The following NALF1 variants were observed in gnomAD, a reference collection of about 807,000 sequenced individuals.
NALF1 encodes the protein family with sequence similarity 155 member A.
In NALF1, 3 loss-of-function variants were observed where a neutral mutation model predicts 48.4. That is an observed-to-expected ratio of 0.06 (90% CI 0.03 to 0.16). The LOEUF (loss-of-function observed/expected upper bound fraction) is 0.16, where lower values mean the gene tolerates loss of function less well. Among genes scored for constraint, NALF1 ranks in the 10% least tolerant of loss-of-function variants. NALF1 has a pLI of 1.00. For synonymous variants in NALF1, 262 were observed against 245.7 expected (o/e 1.07, Z -0.62); for missense variants, 526 against 571.5 (o/e 0.92, Z 0.81).
chr13:107,252,663 G>A (rs1047531008), intron 1 of NALF1, among the ~76,000 whole-genome samples: 3 of 152,108 alleles, frequency 2.0e-5, no homozygotes, highest in Admixed American at 6.5e-5. Flanking sequence ...GTCCACACTC[G>A]GGGTGGGGGA....
intron 1 of NALF1, among the ~76,000 whole-genome samples, chr13:107,442,756 G>A (rs1884581391): frequency 2.0e-5 from 3 of 152,140 alleles, no homozygotes; most frequent in Non-Finnish European, 4.4e-5. Flanking sequence ...AAGGTTTTAA[G>A]TCACAATTTT....
At chr13:107,470,253 A>G (rs181100418) in intron 1 of NALF1, among the ~76,000 whole-genome samples, 3 of 152,248 alleles carry the variant, frequency 2.0e-5, no homozygotes, top group Non-Finnish European at 4.4e-5. Context: ...TTCCTTCCTT[A>G]TTTGACACTT....
chr13:107,303,173 G>C (rs1244942731), intron 1 of NALF1, among the ~76,000 whole-genome samples: 1 of 151,910 alleles, frequency 6.6e-6, no homozygotes, highest in Non-Finnish European at 1.5e-5. Flanking sequence ...GTGTTTGTTG[G>C]CCATTTGTGT....
intron 1 of NALF1, among the ~76,000 whole-genome samples, chr13:107,360,283 C>T (rs189368810): frequency 6.6e-6 from 1 of 152,248 alleles, no homozygotes; most frequent in Admixed American, 6.5e-5. Flanking sequence ...GTTTGAATTG[C>T]AGCACAATTT....
intron 1 of NALF1, among the ~76,000 whole-genome samples, chr13:107,782,878 G>A (rs1416374700): frequency 2.0e-5 from 3 of 151,534 alleles, no homozygotes; most frequent in African/African-American, 4.8e-5. Context: ...TCTGGGAAGT[G>A]AGGAGCGTCT....
At chr13:107,303,964 T>C (rs1176011485) in intron 1 of NALF1, among the ~76,000 whole-genome samples, 4 of 152,236 alleles carry the variant, frequency 2.6e-5, no homozygotes, top group African/African-American at 9.6e-5. Flanking sequence ...TCTATTTCTC[T>C]GGGTTCAGTT....
chr13:107,280,395 G>C (rs1881364268), intron 1 of NALF1, among the ~76,000 whole-genome samples: 1 of 152,194 alleles, frequency 6.6e-6, no homozygotes, highest in Admixed American at 6.5e-5. Flanking sequence ...CATGAGGTTT[G>C]TTAAACTTTA....
intron 1 of NALF1, among the ~76,000 whole-genome samples, chr13:107,373,839 G>A (rs922896950): frequency 3.9e-5 from 6 of 152,074 alleles, no homozygotes; most frequent in Non-Finnish European, 8.8e-5. Flanking sequence ...GGCCGAGCAT[G>A]GGAGAAGGTC....
chr13:107,702,617 G>A (rs928111778), intron 1 of NALF1, among the ~76,000 whole-genome samples: 7 of 152,058 alleles, frequency 4.6e-5, no homozygotes, highest in Non-Finnish European at 8.8e-5. Context: ...GTGCCATGGT[G>A]TTTGCCGCAC....
intron 1 of NALF1, among the ~76,000 whole-genome samples, chr13:107,256,957 C>T (rs376569606): frequency 3.7e-4 from 57 of 152,212 alleles, no homozygotes; most frequent in South Asian, 3.3e-3. Context: ...AAGAACTTCC[C>T]TGAGACTAGG....
intron 1 of NALF1, among the ~76,000 whole-genome samples, chr13:107,823,525 C>A (rs1447692110): frequency 6.6e-6 from 1 of 152,190 alleles, no homozygotes; most frequent in African/African-American, 2.4e-5. Flanking sequence ...TCCAGGCTCA[C>A]CTCTGCCAAG....
chr13:107,418,551 TC>T (rs764992224), intron 1 of NALF1, among the ~76,000 whole-genome samples: 1 of 152,140 alleles, frequency 6.6e-6, no homozygotes, highest in Non-Finnish European at 1.5e-5. Flanking sequence ...TTTCTTTTTT[TC>T]CCCCAACTTT....
chr13:107,861,602 A>G (rs529447672), intron 1 of NALF1, among the ~76,000 whole-genome samples: 1 of 152,160 alleles, frequency 6.6e-6, no homozygotes, highest in Non-Finnish European at 1.5e-5. Context: ...GGCTTACATG[A>G]TGAAACACCA....
At chr13:107,178,767 C>A (rs1388610207) in intron 2 of NALF1, among the ~76,000 whole-genome samples, 1 of 150,580 alleles carries the variant, frequency 6.6e-6, no homozygotes, top group Non-Finnish European at 1.5e-5. Flanking sequence ...CACCGTGAAA[C>A]CCCGTCTCTA....
At chr13:107,203,825 G>A (rs1271609609) in intron 2 of NALF1, among the ~76,000 whole-genome samples, 1 of 152,250 alleles carries the variant, frequency 6.6e-6, no homozygotes, top group African/African-American at 2.4e-5. Flanking sequence ...GCAAGGTGTA[G>A]CAATGAGAAG....
At chr13:107,463,056 T>C (rs1282313641) in intron 1 of NALF1, among the ~76,000 whole-genome samples, 1 of 152,036 alleles carries the variant, frequency 6.6e-6, no homozygotes, top group Non-Finnish European at 1.5e-5. Flanking sequence ...TTCCGACGGA[T>C]TGAGGGAAGA....
rs577146316 is a variant in NALF1 at position 107,568,321 on chromosome 13, A to C, written c.915+297361T>G. Among the ~76,000 whole-genome samples the C allele has an allele frequency of 1.2e-3, 189 of 152,278 alleles. 3 individuals carry two copies. Among genetic ancestry groups the C allele is most frequent in the African/African-American group, 4.3e-3 (180 of 41,550 alleles). On this transcript the variant is annotated intron_variant, in intron 1 of 2. Transcript: ENST00000375915. ...TGCTGGACAGTTTTTCATTCTGTGG[A>C]TATACCACATGGTGTTCAACCTTTC...
At chr13:107,711,915 T>A (rs1023979459) in intron 1 of NALF1, among the ~76,000 whole-genome samples, 2 of 152,204 alleles carry the variant, frequency 1.3e-5, no homozygotes, top group African/African-American at 4.8e-5. Context: ...ATGAAAACTG[T>A]ACTTGAAGGC....
intron 1 of NALF1, among the ~76,000 whole-genome samples, chr13:107,784,576 A>G (rs1878015715): frequency 6.6e-6 from 1 of 152,220 alleles, no homozygotes; most frequent in Non-Finnish European, 1.5e-5. Context: ...ATTCCCTCAA[A>G]AAGTGGGCTA....
Sources: allele counts gnomAD v4.1 joint callset (sites outside exome capture counted in the v4.1 genomes callset), GRCh38; gene constraint gnomAD v4.1.1; transcripts MANE v1.5; gene names NCBI Gene and HGNC (gene_info 2026-07-23, HGNC 2026-07-21).